PRPF18: variants seen among roughly 807,000 people sequenced by gnomAD.
The protein encoded by PRPF18 is pre-mRNA processing factor 18.
In PRPF18, 38 loss-of-function variants were observed where a neutral mutation model predicts 46.5. That is an observed-to-expected ratio of 0.82 (90% CI 0.63 to 1.07). The LOEUF is 1.07. Ranked by LOEUF, PRPF18 falls within the 50% of genes least tolerant of loss-of-function variation. The pLI is 0.00. For missense variants in PRPF18, 263 were observed against 410.0 expected (o/e 0.64, Z 3.10); for synonymous variants, 152 against 146.7 (o/e 1.04, Z -0.26).
downstream of PRPF18, chr10:13,632,770 A>T (rs1165700262): frequency 6.6e-6 from 1 of 152,194 alleles, no homozygotes; most frequent in Non-Finnish European, 1.5e-5. Context: ...TAACATGAGG[A>T]TATATAGAAA....
Position 13,616,539 on chromosome 10 carries a change from C to T in PRPF18, c.934C>T (p.Arg312Trp), listed in dbSNP as rs750507857. The change falls in exon 9 of 10, where the codon CGG (arginine) becomes TGG (tryptophan). Residue 312 changes from arginine (R) to tryptophan (W), a missense_variant. By Grantham distance (101) the Arg-to-Trp change is moderately radical. Coordinates refer to ENST00000378572, the MANE Select transcript of PRPF18 (RefSeq NM_003675.4). ...VAHVLNDETQ[R>W]KYIQGLKRLM... Reference sequence around the variant, plus strand: ...ACATGTTTTAAATGACGAAACTCAGCGGAAATATATTCAGGTAAGCAGTTT... The same window carrying T: ...ACATGTTTTAAATGACGAAACTCAGTGGAAATATATTCAGGTAAGCAGTTT... 9 of 1,613,902 alleles carry T rather than the reference C, an allele frequency of 5.6e-6. No homozygotes were observed. The highest frequency in any genetic ancestry group is 1.7e-5 in the Admixed American group (1 of 59,972).
intron 1 of PRPF18, among the ~76,000 whole-genome samples, chr10:13,596,058 T>C (rs915301790): frequency 2.0e-5 from 3 of 152,230 alleles, no homozygotes; most frequent in Non-Finnish European, 4.4e-5. Flanking sequence ...GCTTTTACAG[T>C]TGGTTTTTCA....
chr10:13,650,760 C>A, the PRPF18 span, among the ~76,000 whole-genome samples: 17 of 152,174 alleles, frequency 1.1e-4, no homozygotes, highest in African/African-American at 3.9e-4. Context: ...ACAAGACTCT[C>A]TACTGTTAAC....
At chr10:13,591,753 G>C in intron 1 of PRPF18, 2 of 1,291,394 alleles carry the variant, frequency 1.5e-6, no homozygotes, top group Non-Finnish European at 1.1e-6. Context: ...CAGATTTCTG[G>C]TGTTTTCTTC....
chr10:13,655,607 G>A, the PRPF18 span: 3 of 150,596 alleles, frequency 2.0e-5, no homozygotes, highest in Non-Finnish European at 4.4e-5. Context: ...GGGCATCCAG[G>A]TTCTTCCTTC....
In PRPF18 at chr10:13,597,495, A is replaced by G. The variant is rs1245008120; in HGVS notation, c.104A>G (p.Lys35Arg). Residue 35 changes from lysine to arginine, a missense_variant, in exon 2 of 10, where the codon AAA (lysine) becomes AGA (arginine). Around this residue, in one of 4 missense-constraint regions of PRPF18, gnomAD observed 71 missense variants for 69.2 expected, o/e 1.03. Coordinates refer to ENST00000378572, the MANE Select transcript of PRPF18 (RefSeq NM_003675.4). ...TATTTCAAGCGTAGTGAGCTCGCCA[A>G]AAAAGAAGAGGAAGCATATTTTGAA... The part of the protein sequence containing the change: ...KKYFKRSELA[K>R]KEEEAYFERC... 8 of 1,610,090 alleles carry G rather than the reference A, an allele frequency of 5.0e-6. No homozygotes were observed. The highest frequency in any genetic ancestry group is 2.7e-5 in the African/African-American group (2 of 74,752).
the PRPF18 span, chr10:13,645,927 A>C: frequency 6.6e-6 from 1 of 152,620 alleles, no homozygotes; most frequent in African/African-American, 2.4e-5. Context: ...TGGTTGGTTT[A>C]ATGAGAGAGA....
chr10:13,618,542 C>T (rs12246446), intron 9 of PRPF18, among the ~76,000 whole-genome samples: 1 of 139,738 alleles, frequency 7.2e-6, no homozygotes, highest in Non-Finnish European at 1.5e-5. Flanking sequence ...AGAAGGATCT[C>T]TTCAGCCTGG....
chr10:13,650,732 G>GT, the PRPF18 span, among the ~76,000 whole-genome samples: 4 of 152,062 alleles, frequency 2.6e-5, no homozygotes, highest in African/African-American at 4.8e-5. Context: ...CAAAAGTCCA[G>GT]TTTTTTCTCT....
chr10:13,616,686 A>C (rs1186302947), intron 9 of PRPF18, 133 bp downstream of exon 9: 1 of 1,149,124 alleles, frequency 8.7e-7, no homozygotes, highest in Non-Finnish European at 1.2e-6. Flanking sequence ...TCCCCTCTGG[A>C]TAAGCACTGA....
the PRPF18 span, among the ~76,000 whole-genome samples, chr10:13,636,478 G>T: frequency 4.6e-5 from 7 of 152,170 alleles, no homozygotes; most frequent in Non-Finnish European, 1.0e-4. Flanking sequence ...TAGTTGCAAG[G>T]AGTCTAGTGT....
downstream of PRPF18, among the ~76,000 whole-genome samples, chr10:13,635,693 T>G (rs1411050158): frequency 6.6e-6 from 1 of 152,230 alleles, no homozygotes; most frequent in African/African-American, 2.4e-5. Flanking sequence ...CATGTATGTC[T>G]TCTTTTGTGA....
chr10:13,628,720 A>C (rs1187634462), intron 9 of PRPF18, among the ~76,000 whole-genome samples: 5 of 151,996 alleles, frequency 3.3e-5, no homozygotes, highest in African/African-American at 4.8e-5. Flanking sequence ...TGTTTTGGTG[A>C]TTTTATTGAG....
chr10:13,647,449 G>A, the PRPF18 span: 1 of 152,100 alleles, frequency 6.6e-6, no homozygotes, highest in Admixed American at 6.6e-5. Context: ...AGAACCTCTG[G>A]GCTTTCCTCA....
the PRPF18 span, among the ~76,000 whole-genome samples, chr10:13,637,545 G>C: frequency 6.6e-6 from 1 of 151,956 alleles, no homozygotes; most frequent in East Asian, 1.9e-4. Flanking sequence ...GCTTTTTTCT[G>C]ACTGATTTAT....
intron 9 of PRPF18, among the ~76,000 whole-genome samples, chr10:13,621,461 A>C (rs931921045): frequency 6.6e-6 from 1 of 152,090 alleles, no homozygotes; most frequent in Non-Finnish European, 1.5e-5. Context: ...GGCTGTCTCC[A>C]TACAGCTACC....
At chr10:13,604,176 C>T (rs1443728843) in intron 3 of PRPF18, among the ~76,000 whole-genome samples, 1 of 152,168 alleles carries the variant, frequency 6.6e-6, no homozygotes, top group Admixed American at 6.5e-5. Context: ...TAGATGACCT[C>T]TTAAATTTCT....
downstream of PRPF18, among the ~76,000 whole-genome samples, chr10:13,635,844 T>A (rs1363027172): frequency 6.6e-6 from 1 of 152,200 alleles, no homozygotes; most frequent in Non-Finnish European, 1.5e-5. Context: ...CTTTTTTGAT[T>A]TTTTTTAATA....
At chr10:13,616,015 A>AC (rs767526277) in intron 8 of PRPF18, among the ~76,000 whole-genome samples, 1 of 151,882 alleles carries the variant, frequency 6.6e-6, no homozygotes, top group South Asian at 2.1e-4. Context: ...CTTCTACATG[A>AC]CCCCCTGTGG....
Sources: gnomAD v4.1 joint callset for allele counts (sites outside exome capture counted in the v4.1 genomes callset) on GRCh38, gnomAD v4.1.1 for gene constraint, gnomAD v4.1.1 regional missense constraint, MANE v1.5 for transcripts, NCBI Gene and HGNC (gene_info 2026-07-23, HGNC 2026-07-21) for gene names.